The following NMNAT1 variants were observed in gnomAD, a reference collection of about 807,000 sequenced individuals.
NMNAT1 encodes nicotinamide/nicotinic acid mononucleotide adenylyltransferase 1.
In NMNAT1, 11 loss-of-function variants were observed where a neutral mutation model predicts 16.7. That is an observed-to-expected ratio of 0.66 (90% confidence interval 0.41 to 1.09). NMNAT1 has a LOEUF of 1.09. NMNAT1 is among the 50% of genes least tolerant of loss of function. The pLI is 0.00. For synonymous variants in NMNAT1, 110 were observed against 119.8 expected (o/e 0.92, Z 0.53); for missense variants, 280 against 332.3 (o/e 0.84, Z 1.22).
the NMNAT1 span, among the ~76,000 whole-genome samples, chr1:9,994,820 G>A: frequency 6.6e-6 from 1 of 151,828 alleles, no homozygotes; most frequent in Non-Finnish European, 1.5e-5. Context: ...CACCATGTTA[G>A]CCAGGAAGGT....
the NMNAT1 span, among the ~76,000 whole-genome samples, chr1:9,992,239 C>T: frequency 6.6e-6 from 1 of 152,072 alleles, no homozygotes; most frequent in South Asian, 2.1e-4. Flanking sequence ...CATACCACCA[C>T]ACCCAGCTAG....
At chr1:9,981,269 C>G (rs752192688) in intron 4 of NMNAT1, 99 bp downstream of exon 4, 1 of 1,509,610 alleles carries the variant, frequency 6.6e-7, no homozygotes, top group Non-Finnish European at 8.9e-7. Context: ...GAGTCTCGCT[C>G]TATCACCCAG....
intron 1 of NMNAT1, among the ~76,000 whole-genome samples, chr1:9,947,147 A>C (rs183732869): frequency 6.6e-6 from 1 of 152,206 alleles, no homozygotes; most frequent in African/African-American, 2.4e-5. Context: ...CTGTAAACTG[A>C]ACTCCTGATA....
intron 4 of NMNAT1, 93 bp downstream of exon 4, chr1:9,981,263 C>T (rs1641942167): frequency 2.0e-6 from 3 of 1,518,066 alleles, no homozygotes; most frequent in Non-Finnish European, 2.6e-6. Flanking sequence ...TAGATGGAGT[C>T]TCGCTCTATC....
At chr1:9,991,525 T>C in the NMNAT1 span, among the ~76,000 whole-genome samples, 2 of 152,028 alleles carry the variant, frequency 1.3e-5, no homozygotes, top group Non-Finnish European at 2.9e-5. Flanking sequence ...ATGGGCAAGG[T>C]GATGTCACTC....
intron 1 of NMNAT1, among the ~76,000 whole-genome samples, chr1:9,968,695 C>T (rs974576672): frequency 2.0e-5 from 3 of 147,252 alleles, no homozygotes; most frequent in African/African-American, 7.5e-5. Flanking sequence ...GGCATGAACC[C>T]AGTAGGCGGA....
At chr1:9,963,469 G>A (rs1641471835) in intron 1 of NMNAT1, among the ~76,000 whole-genome samples, 3 of 151,696 alleles carry the variant, frequency 2.0e-5, no homozygotes, top group South Asian at 4.1e-4. Flanking sequence ...GAGTGCAGTG[G>A]CACAATCTAG....
chr1:9,977,814 T>G (rs1206089445), intron 3 of NMNAT1, among the ~76,000 whole-genome samples: 1 of 151,828 alleles, frequency 6.6e-6, no homozygotes, highest in Non-Finnish European at 1.5e-5. Context: ...ACTGAAATTG[T>G]GCCACTGCAC....
At chr1:9,994,438 T>C in the NMNAT1 span, among the ~76,000 whole-genome samples, 2 of 151,254 alleles carry the variant, frequency 1.3e-5, no homozygotes, top group Non-Finnish European at 2.9e-5. Flanking sequence ...TTTTTTATTT[T>C]ATTATTTTTG....
At chr1:9,948,302 A>T (rs1641024851) in intron 1 of NMNAT1, among the ~76,000 whole-genome samples, 1 of 152,102 alleles carries the variant, frequency 6.6e-6, no homozygotes, top group Non-Finnish European at 1.5e-5. Flanking sequence ...CGGCCAGGTG[A>T]GGTGGCTCAT....
intron 2 of NMNAT1, among the ~76,000 whole-genome samples, chr1:9,973,180 G>A (rs1277068359): frequency 1.3e-5 from 2 of 151,920 alleles, no homozygotes; most frequent in East Asian, 1.9e-4. Flanking sequence ...GCAGTGGCGC[G>A]ATCTCGGCTC....
In NMNAT1 at chr1:9,982,637, A is replaced by C; in HGVS notation, c.776A>C (p.Glu259Ala). ...CATAATTTGTACAGCTCTGAGAGTG[A>C]AGACAGGAATGCTGGGGTCATCCTG... ...EKHNLYSSES[E>A]DRNAGVILAP... is the part of the protein sequence containing the mutation. The change falls in exon 5 of 5, where the codon GAA becomes GCA. Residue 259 changes from glutamate (E) to alanine (A), a missense_variant. Transcript: ENST00000377205. 1 of 1,614,160 alleles carries C rather than the reference A, an allele frequency of 6.2e-7. No homozygotes were observed. The highest frequency in any genetic ancestry group is 1.3e-5 in the African/African-American group (1 of 75,046).
chr1:9,982,025 G>A (rs1377447467), intron 4 of NMNAT1, among the ~76,000 whole-genome samples: 2 of 152,054 alleles, frequency 1.3e-5, no homozygotes, highest in Non-Finnish European at 2.9e-5. Flanking sequence ...CACCACACCC[G>A]GCTAATTTTG....
intron 1 of NMNAT1, among the ~76,000 whole-genome samples, chr1:9,952,036 C>T (rs1290403363): frequency 1.3e-5 from 2 of 152,096 alleles, no homozygotes; most frequent in Admixed American, 6.6e-5. Flanking sequence ...TTATGGCTCA[C>T]GCCTGTAATC....
chr1:9,965,987 CA>C (rs58166006), intron 1 of NMNAT1, among the ~76,000 whole-genome samples: 1,482 of 147,896 alleles, frequency 0.01, 29 homozygotes, highest in African/African-American at 0.035. Flanking sequence ...GATCCTTTCT[CA>C]AAAAAAAAAA....
chr1:9,960,977 C>T (rs1194980957), intron 1 of NMNAT1, among the ~76,000 whole-genome samples: 1 of 152,210 alleles, frequency 6.6e-6, no homozygotes, highest in Non-Finnish European at 1.5e-5. Flanking sequence ...TTAAAACCCA[C>T]TTTTGGCAGC....
intron 1 of NMNAT1, among the ~76,000 whole-genome samples, chr1:9,957,692 C>G (rs1477865670): frequency 6.6e-5 from 10 of 152,204 alleles, no homozygotes; most frequent in African/African-American, 9.6e-5. Flanking sequence ...TTATTTTACA[C>G]AGACTTTCTG....
At chr1:9,967,185 C>T (rs760158561) in intron 1 of NMNAT1, among the ~76,000 whole-genome samples, 4 of 152,066 alleles carry the variant, frequency 2.6e-5, no homozygotes, top group Non-Finnish European at 5.9e-5. Flanking sequence ...GATCTTTCCA[C>T]TGCACTCCAG....
Position 9,972,118 on chromosome 1 carries a change from T to C in NMNAT1, c.45T>C (p.Gly15=). The change falls in exon 2 of 5, where the codon GGT becomes GGC. Residue 15 remains glycine, a synonymous_variant. Transcript: ENST00000377205. ...CTGAAGTGGTTCTCCTTGCTTGTGG[T>C]TCATTCAATCCCATCACCAACATGC... is the stretch of plus-strand genomic sequence containing the variant. ...EKTEVVLLAC[G]SFNPITNMHL... 1.2e-6 allele frequency: 2 copies of C among 1,613,176 alleles called. No homozygotes were observed. The highest frequency in any genetic ancestry group is 1.7e-6 in the Non-Finnish European group (2 of 1,179,206).
Sources: allele counts gnomAD v4.1 joint callset (sites outside exome capture counted in the v4.1 genomes callset), GRCh38; gene constraint gnomAD v4.1.1; transcripts MANE v1.5; gene names NCBI Gene and HGNC (gene_info 2026-07-23, HGNC 2026-07-21).